The following ALDOB variants were observed in gnomAD, a reference collection of about 807,000 sequenced individuals.
The protein encoded by ALDOB is aldolase, fructose-bisphosphate B, also known as fructose-bisphosphate aldolase B.
Under a neutral mutation model 41.0 loss-of-function variants are expected in ALDOB, and 39 were observed. The ratio of observed to expected loss-of-function variants is 0.95; its 90% CI spans 0.74 to 1.24. The LOEUF (loss-of-function observed/expected upper bound fraction) is 1.24. ALDOB is among the 50% of genes most tolerant of loss of function. The pLI is 0.00. For missense variants in ALDOB, 530 were observed against 457.3 expected (o/e 1.16, Z -1.45); for synonymous variants, 175 against 168.8 (o/e 1.04, Z -0.28).
At position 101,423,747 on chromosome 9, in the gene ALDOB, C is replaced by T. The variant is rs575720085; in HGVS notation, c.999+1096G>A. Among the ~76,000 whole-genome samples, 6 of 152,268 alleles carry T rather than the reference C, an allele frequency of 3.9e-5. No homozygotes were observed. In the South Asian group the frequency reaches 1.2e-3, roughly 32 times the overall value. ...GTTCTTCTCCACTCAATTATCCCCA[C>T]TCTCCTCATCTTTACTGTCTCCTCT... On this transcript the variant is annotated intron_variant, in intron 8 of 8. Transcript: ENST00000647789.
chr9:101,434,606 A>G (rs1028950298), intron 1 of ALDOB, among the ~76,000 whole-genome samples: 6 of 152,210 alleles, frequency 3.9e-5, no homozygotes, highest in African/African-American at 1.2e-4. Flanking sequence ...AAAGCTGCCA[A>G]TAGCTTCATT....
At chr9:101,431,063 A>G (rs182642469) in intron 1 of ALDOB, among the ~76,000 whole-genome samples, 166 bp from the exon 2 acceptor site, 39 of 152,330 alleles carry the variant, frequency 2.6e-4, no homozygotes, top group African/African-American at 8.4e-4. Flanking sequence ...CCCATCACTT[A>G]TTAGTTGCAA....
At chr9:101,430,702 A>T in intron 2 of ALDOB, 74 bp downstream of exon 2, 1 of 1,122,904 alleles carries the variant, frequency 8.9e-7, no homozygotes, top group Non-Finnish European at 1.3e-6. Flanking sequence ...AAAGAATATG[A>T]TTATCAAGTT....
chr9:101,431,050 T>C (rs1588172837), intron 1 of ALDOB, among the ~76,000 whole-genome samples, 153 bp from the exon 2 acceptor site: 1 of 152,206 alleles, frequency 6.6e-6, no homozygotes, highest in East Asian at 1.9e-4. Flanking sequence ...GGTTTGTTTT[T>C]CCCCCATCAC....
chr9:101,430,908 G>A lies in ALDOB; in HGVS notation c.-10-11C>T, dbSNP rs371278668. 6 of 1,577,146 alleles carry A rather than the reference G, an allele frequency of 3.8e-6. No individual in the cohort carries two copies. The African/African-American group carries it at 6.7e-5, about 18-fold the overall frequency. On this transcript the variant is annotated splice_polypyrimidine_tract_variant and intron_variant, in intron 1 of 8. Coordinates refer to ENST00000647789, the MANE Select transcript of ALDOB (RefSeq NM_000035.4). ...GCCATGGTGACAGGTCTGGAAAAGA[G>A]TGTGCGAGAGTTGTGCACAGAACCA...
Position 101,424,878 on chromosome 9 carries a change from C to A in ALDOB, c.964G>T (p.Glu322Ter), listed in dbSNP as rs1172384674. The change falls in exon 8 of 9, where the codon GAG (glutamate) becomes TAG (stop). Residue 322 changes from glutamate (E) to a stop codon, truncating the protein, a stop_gained. Transcript: ENST00000647789. LOFTEE classifies it high-confidence loss of function. ...AAWGGKAANK[E>*]ATQEAFMKRA... ...TTCATAAAAGCCTCCTGGGTTGCCT[C>A]CTTGTTTGCAGCCTTGCCACCCCAG... 15 of 1,613,742 alleles carry A rather than the reference C, an allele frequency of 9.3e-6. No homozygotes were observed. Among genetic ancestry groups the A allele is most frequent in the Non-Finnish European group, 9.3e-6 (11 of 1,180,022 alleles).
At position 101,425,383 on chromosome 9, in the gene ALDOB, A is replaced by G. The variant is rs192123131; in HGVS notation, c.799+70T>C. On this transcript the variant is annotated intron_variant, in intron 7 of 8. Coordinates refer to ENST00000647789, the MANE Select transcript of ALDOB (RefSeq NM_000035.4). ...ATGAATAGAAGCAGATTTCTGGACA[A>G]ACAGAAAGCTTGTGGCTCTCCAAAG... is the stretch of plus-strand genomic sequence containing the variant. The G allele has an allele frequency of 1.5e-3, 2,299 of 1,569,238 alleles. 4 individuals carry two copies. Among genetic ancestry groups the G allele is most frequent in the Non-Finnish European group, 1.8e-3 (2,081 of 1,141,562 alleles).
intron 1 of ALDOB, among the ~76,000 whole-genome samples, chr9:101,431,712 T>G (rs577956825): frequency 6.6e-6 from 1 of 152,140 alleles, no homozygotes; most frequent in Non-Finnish European, 1.5e-5. Context: ...ATCTTGAAAA[T>G]GCAAGCTCAA....
Position 101,429,746 on chromosome 9 carries a change from G to A in ALDOB, c.324+9C>T, listed in dbSNP as rs761258365. 2 of 1,613,452 alleles carry A rather than the reference G, an allele frequency of 1.2e-6. No individual in the cohort carries two copies. The highest frequency in any genetic ancestry group is 1.7e-6 in the Non-Finnish European group (2 of 1,179,468). ...AAAGCAGAAGTGAGGTGTGAATGGAGGTGTTCACCTTGATTCCCACCACGA... is the reference window on the plus strand; with the variant it reads ...AAAGCAGAAGTGAGGTGTGAATGGAAGTGTTCACCTTGATTCCCACCACGA... On this transcript the variant is annotated intron_variant, in intron 3 of 8. Coordinates refer to ENST00000647789, the MANE Select transcript of ALDOB (RefSeq NM_000035.4).
Position 101,424,881 on chromosome 9 carries a change from T to C in ALDOB, c.961A>G (p.Lys321Glu). ...LAAWGGKAAN[K>E]EATQEAFMKR... ...ATAAAAGCCTCCTGGGTTGCCTCCTTGTTTGCAGCCTTGCCACCCCAGGCA... is the reference window on the plus strand; with the variant it reads ...ATAAAAGCCTCCTGGGTTGCCTCCTCGTTTGCAGCCTTGCCACCCCAGGCA... Residue 321 changes from lysine (K) to glutamate (E), a missense_variant, in exon 8 of 9, where the codon AAG (lysine) becomes GAG (glutamate). By Grantham distance (56) the Lys-to-Glu change is moderately conservative (BLOSUM62 1). Coordinates refer to ENST00000647789, the MANE Select transcript of ALDOB (RefSeq NM_000035.4). 1 of 1,613,794 alleles carries C rather than the reference T, an allele frequency of 6.2e-7. No homozygotes were observed. Among genetic ancestry groups the C allele is most frequent in the Non-Finnish European group, 8.5e-7 (1 of 1,180,018 alleles).
At chr9:101,434,040 G>A (rs764102206) in intron 1 of ALDOB, among the ~76,000 whole-genome samples, 5 of 152,048 alleles carry the variant, frequency 3.3e-5, no homozygotes, top group Admixed American at 1.3e-4. Context: ...GCAAAGTGCT[G>A]GGATTACAGG....
At chr9:101,429,672 C>T in intron 3 of ALDOB, 83 bp downstream of exon 3, 1 of 1,244,420 alleles carries the variant, frequency 8.0e-7, no homozygotes, top group Admixed American at 1.7e-5. Flanking sequence ...GGAGAATGTT[C>T]AGAGTGTTGG....
In ALDOB at chr9:101,421,129, G is replaced by A. The variant is rs1286640884; in HGVS notation, c.*680C>T. On this transcript the variant is annotated 3_prime_UTR_variant, in exon 9 of 9. Transcript: ENST00000647789. The stretch of plus-strand genomic sequence containing the variant: ...TAGTTCTCAAACTTGACTGTACATT[G>A]GAATTACTGAGGGAGCTTTAAGAAA... 2 of 152,872 alleles carry A rather than the reference G, an allele frequency of 1.3e-5. No individual in the cohort carries two copies. The highest frequency in any genetic ancestry group is 4.8e-5 in the African/African-American group (2 of 41,442). 9.5% of individuals were successfully genotyped at this position (152,872 alleles called of 1,614,324 possible).
At chr9:101,428,091 G>A (rs2118356932) in intron 4 of ALDOB, among the ~76,000 whole-genome samples, 1 of 152,256 alleles carries the variant, frequency 6.6e-6, no homozygotes, top group Admixed American at 6.5e-5. Context: ...TCAAACCCAG[G>A]TGTGTCTGAC....
intron 1 of ALDOB, among the ~76,000 whole-genome samples, chr9:101,433,656 G>T (rs1028151764): frequency 1.3e-5 from 2 of 152,156 alleles, no homozygotes; most frequent in Non-Finnish European, 2.9e-5. Context: ...ATTAAAAAAT[G>T]ATATATACCC....
At chr9:101,424,764 A>G (rs776389130) in intron 8 of ALDOB, 79 bp downstream of exon 8, 1 of 1,563,396 alleles carries the variant, frequency 6.4e-7, no homozygotes, top group Admixed American at 1.7e-5. Context: ...GGCCCAAAGA[A>G]AACAATGCTT....
At chr9:101,428,347 A>AG in intron 4 of ALDOB, 122 bp downstream of exon 4, 1 of 895,216 alleles carries the variant, frequency 1.1e-6, no homozygotes, top group South Asian at 1.3e-5. Context: ...ATTGAAAACC[A>AG]GGTACGTGTG....
chr9:101,425,076 C>G (rs1216934032), intron 7 of ALDOB, 34 bp from the exon 8 acceptor site: 1 of 1,607,582 alleles, frequency 6.2e-7, no homozygotes, highest in Admixed American at 1.7e-5. Context: ...CTCTATTAGT[C>G]CCACCTTATA....
chr9:101,425,203 T>C (rs1411058457), intron 7 of ALDOB, among the ~76,000 whole-genome samples, 161 bp from the exon 8 acceptor site: 4 of 152,194 alleles, frequency 2.6e-5, no homozygotes, highest in Non-Finnish European at 4.4e-5. Flanking sequence ...CTGAAGCTAG[T>C]TGGGCTAGAG....
Sources: allele counts gnomAD v4.1 joint callset (sites outside exome capture counted in the v4.1 genomes callset), GRCh38; gene constraint gnomAD v4.1.1; transcripts MANE v1.5; gene names NCBI Gene and HGNC (gene_info 2026-07-23, HGNC 2026-07-21).